NEDD9: variants seen among roughly 807,000 people sequenced by gnomAD.
NEDD9 encodes enhancer of filamentation 1.
Under a neutral mutation model 76.6 loss-of-function variants are expected in NEDD9, and 26 were observed. The observed-to-expected ratio is 0.34, with a 90% confidence interval of 0.25 to 0.47. NEDD9 has a LOEUF of 0.47. Among genes scored for constraint, NEDD9 ranks in the 20% least tolerant of loss-of-function variants. The pLI is 1.00. For synonymous variants in NEDD9, 392 were observed against 414.2 expected, an observed-to-expected ratio of 0.95 and a Z score of 0.65; for missense variants, 937 against 1,058.5, an observed-to-expected ratio of 0.89 and a Z score of 1.59.
intron 3 of NEDD9, among the ~76,000 whole-genome samples, chr6:11,278,841 A>G (rs1039046058): frequency 3.3e-5 from 5 of 152,118 alleles, no homozygotes; most frequent in African/African-American, 1.2e-4. Flanking sequence ...AATTACTAGA[A>G]GGCAGGGATT....
intron 1 of NEDD9, among the ~76,000 whole-genome samples, chr6:11,218,359 T>A (rs1284271877): frequency 6.6e-6 from 1 of 152,120 alleles, no homozygotes; most frequent in East Asian, 1.9e-4. Flanking sequence ...TTTTTTTTTT[T>A]TTTCTGTAGC....
chr6:11,248,839 C>T (rs920771190), intron 3 of NEDD9: 3 of 295,540 alleles, frequency 1.0e-5, no homozygotes, highest in Non-Finnish European at 2.0e-5. Context: ...GCACACGGCT[C>T]TCCCTACAGT....
At chr6:11,229,991 A>G (rs1314246649) in intron 1 of NEDD9, among the ~76,000 whole-genome samples, 3 of 152,352 alleles carry the variant, frequency 2.0e-5, no homozygotes, top group East Asian at 3.9e-4. Flanking sequence ...GGCCTGATTC[A>G]TAAGTCTTTC....
chr6:11,190,684 G>A lies in NEDD9; in HGVS notation c.1185C>T (p.Ser395=), dbSNP rs778864667. 3 of 1,614,048 alleles carry A rather than the reference G, an allele frequency of 1.9e-6. No individual in the cohort carries two copies. Among genetic ancestry groups the A allele is most frequent in the African/African-American group, 2.7e-5 (2 of 74,930 alleles). Residue 395 remains serine (S), a synonymous_variant, in exon 5 of 7, where the codon TCC becomes TCT. Coordinates refer to ENST00000379446, the MANE Select transcript of NEDD9 (RefSeq NM_006403.4). This position sits in a 1 kb window ranked among gnomAD's most constrained non-coding sequence, Gnocchi z 5.8. ...TSSKESSLSA[S]PAQDKRLFLD... ...GGAAGAGCCTTTTGTCCTGAGCTGG[G>A]GAGGCTGACAGTGAGGACTCCTTGG...
intron 1 of NEDD9, among the ~76,000 whole-genome samples, chr6:11,340,548 A>G (rs1762252269): frequency 6.6e-6 from 1 of 152,200 alleles, no homozygotes; most frequent in Admixed American, 6.5e-5. Context: ...ATAGAAATAA[A>G]GAAAGACAGT....
intron 1 of NEDD9, among the ~76,000 whole-genome samples, chr6:11,228,149 A>T (rs1301880660): frequency 1.3e-5 from 2 of 152,226 alleles, no homozygotes; most frequent in Admixed American, 1.3e-4. Context: ...GGAAGTCAGT[A>T]TTAAAGAAGC....
At chr6:11,335,712 A>G (rs1762143259) in intron 1 of NEDD9, among the ~76,000 whole-genome samples, 1 of 152,226 alleles carries the variant, frequency 6.6e-6, no homozygotes, top group Non-Finnish European at 1.5e-5. Flanking sequence ...ACAGGAATAA[A>G]CAAACTTATT....
At chr6:11,257,712 G>C (rs1760031225) in intron 3 of NEDD9, among the ~76,000 whole-genome samples, 1 of 151,924 alleles carries the variant, frequency 6.6e-6, no homozygotes, top group Non-Finnish European at 1.5e-5. Flanking sequence ...AACAAGATGA[G>C]GGCCGAGGCT....
At chr6:11,192,564 G>T (rs1350528295) in intron 3 of NEDD9, 118 bp from the exon 4 acceptor site, 5 of 664,050 alleles carry the variant, frequency 7.5e-6, no homozygotes, top group South Asian at 2.0e-5. Context: ...CTTGATCTTT[G>T]GCAGTGCTCC....
At chr6:11,323,837 G>A (rs1247029802) in intron 2 of NEDD9, among the ~76,000 whole-genome samples, 1 of 152,222 alleles carries the variant, frequency 6.6e-6, no homozygotes, top group Non-Finnish European at 1.5e-5. Flanking sequence ...CACCTTGCAC[G>A]TCACATGTTC....
At chr6:11,363,470 A>G (rs1762712514) in intron 1 of NEDD9, among the ~76,000 whole-genome samples, 1 of 152,174 alleles carries the variant, frequency 6.6e-6, no homozygotes, top group South Asian at 2.1e-4. Flanking sequence ...AGCAAGCCTC[A>G]TGGAATGGGG....
chr6:11,225,684 G>C (rs1021477749), intron 1 of NEDD9, among the ~76,000 whole-genome samples: 1 of 151,986 alleles, frequency 6.6e-6, no homozygotes, highest in Non-Finnish European at 1.5e-5. Flanking sequence ...TGTATTTTTA[G>C]TAGAGACGGG....
intron 3 of NEDD9, among the ~76,000 whole-genome samples, chr6:11,277,377 A>T (rs1314492469): frequency 1.3e-5 from 2 of 152,236 alleles, no homozygotes; most frequent in Admixed American, 6.5e-5. Context: ...GTCAACATTC[A>T]TGAGTGAGAA....
intron 3 of NEDD9, among the ~76,000 whole-genome samples, chr6:11,302,547 G>T (rs1420680041): frequency 6.6e-6 from 1 of 152,104 alleles, no homozygotes; most frequent in Non-Finnish European, 1.5e-5. Flanking sequence ...ACCAAAGCCT[G>T]GTAGAGACAC....
At chr6:11,249,245 T>C (rs371592272) in intron 3 of NEDD9, 14 of 452,374 alleles carry the variant, frequency 3.1e-5, no homozygotes, top group Admixed American at 1.2e-4. Flanking sequence ...TTGAGTCCAA[T>C]AGGGTTAAGT....
At chr6:11,193,717 G>T in intron 2 of NEDD9, 25 bp from the exon 3 acceptor site, 1 of 1,570,744 alleles carries the variant, frequency 6.4e-7, no homozygotes, top group Non-Finnish European at 8.8e-7. Context: ...GCACAGAGGT[G>T]TAAATTTCCA....
At position 11,184,222 on chromosome 6, in the gene NEDD9, AT is replaced by A. The variant is rs1757920364; in HGVS notation, c.*939del. 1 of 152,230 alleles carries A rather than the reference AT, an allele frequency of 6.6e-6. No homozygotes were observed. The highest frequency in any genetic ancestry group is 1.5e-5 in the Non-Finnish European group (1 of 68,044). 9.4% of individuals were successfully genotyped at this position (152,230 alleles called of 1,614,324 possible). ...AATGGGGGTAGTAGCACCAAAGTGA[AT>A]ATTAAGAGTCAGAAAGGCCTCTACT... On this transcript the variant is annotated 3_prime_UTR_variant, in exon 7 of 7. Coordinates refer to ENST00000379446, the MANE Select transcript of NEDD9 (RefSeq NM_006403.4).
chr6:11,372,772 A>T (rs934079495), intron 1 of NEDD9, among the ~76,000 whole-genome samples: 1 of 152,166 alleles, frequency 6.6e-6, no homozygotes, highest in African/African-American at 2.4e-5. Context: ...CTATTCATAT[A>T]CCTGCTTGCC....
intron 3 of NEDD9, 28 bp downstream of exon 3, chr6:11,193,560 TCTC>T (rs528529437): frequency 0.013 from 20,337 of 1,543,756 alleles, 172 homozygotes; most frequent in Non-Finnish European, 0.016. Flanking sequence ...TAGAAGCGCT[TCTC>T]CTCTTGTGAC....
Sources: gnomAD v4.1 joint callset for allele counts (sites outside exome capture counted in the v4.1 genomes callset) on GRCh38, gnomAD v4.1.1 for gene constraint, Gnocchi (gnomAD v3.1) non-coding constraint, MANE v1.5 for transcripts, NCBI Gene and HGNC (gene_info 2026-07-23, HGNC 2026-07-21) for gene names.